Variants in CLU observed in about 807,000 individuals in gnomAD.
CLU encodes the protein clusterin.
Under a neutral mutation model 46.4 loss-of-function variants are expected in CLU, and 25 were observed. The ratio of observed to expected loss-of-function variants is 0.54; its 90% CI spans 0.39 to 0.75. The LOEUF (loss-of-function observed/expected upper bound fraction) is 0.75. Among genes scored for constraint, CLU ranks in the 30% least tolerant of loss-of-function variants. The pLI, the probability that CLU is intolerant of heterozygous loss-of-function variation, is 0.00. For missense variants in CLU, 504 were observed against 592.1 expected (o/e 0.85, Z 1.54); for synonymous variants, 235 against 235.1 (o/e 1.00, Z 0.00).
intron 1 of CLU, chr8:27,611,790 CT>C (rs1563389741): frequency 2.2e-6 from 1 of 456,558 alleles, no homozygotes. Context: ...GGGTCAGCGC[CT>C]TCCCCAGAGA....
rs746888367 is a variant in CLU at position 27,599,728 on chromosome 8, C to T, written c.1164+52G>A. 235 of 1,385,864 alleles carry T rather than the reference C, an allele frequency of 1.7e-4. No homozygotes were observed. Among genetic ancestry groups the T allele is most frequent in the Non-Finnish European group, 2.0e-4 (200 of 990,898 alleles). 85.8% of individuals were successfully genotyped at this position (1,385,864 alleles called of 1,614,324 possible). A position where few individuals can be genotyped will look rare whatever the true frequency, so the allele number is the denominator to read the frequency against. On this transcript the variant is annotated intron_variant, in intron 7 of 8. Transcript: ENST00000316403. This position sits in a 1 kb window ranked among gnomAD's most constrained non-coding sequence, Gnocchi z 4.0. Reference sequence around the variant, plus strand: ...TCAAAAGCACACATGCCCCTGCTCCCGATCACAGCTCGGGCTCCCGAGCCA... The same window carrying T: ...TCAAAAGCACACATGCCCCTGCTCCTGATCACAGCTCGGGCTCCCGAGCCA...
intron 3 of CLU, among the ~76,000 whole-genome samples, chr8:27,607,206 G>A (rs1046588336): frequency 1.3e-5 from 2 of 152,102 alleles, no homozygotes; most frequent in Non-Finnish European, 2.9e-5. Context: ...GTGTGGTGGT[G>A]CACACCTGCA....
intron 1 of CLU, chr8:27,611,629 G>A (rs1585257459): frequency 2.2e-6 from 1 of 457,358 alleles, no homozygotes; most frequent in African/African-American, 2.0e-5. Context: ...CCAACAGGAC[G>A]ATGGGGTTCC....
intron 6 of CLU, 200 bp downstream of exon 6, chr8:27,604,091 G>T: frequency 3.3e-6 from 2 of 603,974 alleles, no homozygotes; most frequent in Non-Finnish European, 6.0e-6. Flanking sequence ...GGACAGCCTC[G>T]CATCATCATC....
chr8:27,598,538 A>T lies in CLU; in HGVS notation c.1262T>A (p.Val421Glu), dbSNP rs982521598. ...DSDPITVTVPVEVSRKNPKFM... is the reference protein window; with the variant it reads ...DSDPITVTVPEEVSRKNPKFM... ...TTTAGGGTTCTTCCTGGAGACTTCTACAGGGACCGTCACAGTGATGGGATC... is the reference window on the plus strand; with the variant it reads ...TTTAGGGTTCTTCCTGGAGACTTCTTCAGGGACCGTCACAGTGATGGGATC... Residue 421 changes from valine to glutamate, a missense_variant, in exon 8 of 9, where the codon GTA becomes GAA. By Grantham distance (121) the Val-to-Glu change is moderately radical. Coordinates refer to ENST00000316403, the MANE Select transcript of CLU (RefSeq NM_001831.4). The T allele has an allele frequency of 6.2e-7, 1 of 1,614,024 alleles. No homozygotes were observed. The highest frequency in any genetic ancestry group is 2.2e-5 in the East Asian group (1 of 44,872).
intron 1 of CLU, chr8:27,610,914 G>A: frequency 2.6e-6 from 1 of 388,502 alleles, no homozygotes; most frequent in Non-Finnish European, 4.9e-6. Context: ...CAATCAGCGA[G>A]GCACACAGGC....
Position 27,606,477 on chromosome 8 carries a change from G to A in CLU, c.294C>T (p.Leu98=), listed in dbSNP as rs748850205. Residue 98 remains leucine, a synonymous_variant, in exon 4 of 9, where the codon CTC becomes CTT. Coordinates refer to ENST00000316403, the MANE Select transcript of CLU (RefSeq NM_001831.4). ...TRESETKLKE[L]PGVCNETMMA... ...TCATGGTCTCATTGCACACTCCTGG[G>A]AGCTCCTTCAGCTTTGTCTCTGATT... 6.2e-7 allele frequency: 1 copy of A among 1,614,124 alleles called. No individual in the cohort carries two copies. The highest frequency in any genetic ancestry group is 1.3e-5 in the African/African-American group (1 of 74,936).
At chr8:27,608,848 T>TGGCAACCCAGCAGGGCACCGC in intron 3 of CLU, 90 bp downstream of exon 3, 1 of 1,436,062 alleles carries the variant, frequency 7.0e-7, no homozygotes, top group Non-Finnish European at 9.8e-7. Context: ...CGGGTCACCA[T>TGGCAACCCAGCAGGGCACCGC]GGCAACCCAG....
chr8:27,598,565 G>A lies in CLU; in HGVS notation c.1235C>T (p.Ser412Phe). Reference protein sequence around the residue: ...VTEVVVKLFDSDPITVTVPVE... With the variant: ...VTEVVVKLFDFDPITVTVPVE... ...AGGGACCGTCACAGTGATGGGATCAGAGTCAAAGAGCTTCACGACCACCTC... is the reference window on the plus strand; with the variant it reads ...AGGGACCGTCACAGTGATGGGATCAAAGTCAAAGAGCTTCACGACCACCTC... The change falls in exon 8 of 9, where the codon TCT (serine) becomes TTT (phenylalanine). Residue 412 changes from serine (S) to phenylalanine (F), a missense_variant. By Grantham distance (155) the Ser-to-Phe change is radical (BLOSUM62 -2). Around this residue, in one of 3 missense-constraint regions of CLU, gnomAD observed 428 missense variants for 484.0 expected, o/e 0.88. Transcript: ENST00000316403. 2 of 1,614,158 alleles carry A rather than the reference G, an allele frequency of 1.2e-6. No individual in the cohort carries two copies. Among genetic ancestry groups the A allele is most frequent in the South Asian group, 2.2e-5 (2 of 91,088 alleles).
chr8:27,610,334 C>A lies in CLU; in HGVS notation c.97+141G>T, dbSNP rs535055846. The A allele has an allele frequency of 9.0e-5, 67 of 743,260 alleles. No individual in the cohort carries two copies. The South Asian group carries it at 9.7e-4, about 11-fold the overall frequency. 46.0% of individuals were successfully genotyped at this position (743,260 alleles called of 1,614,324 possible). A position where few individuals can be genotyped will look rare whatever the true frequency, so the allele number is the denominator to read the frequency against. On this transcript the variant is annotated intron_variant, in intron 2 of 8. Coordinates refer to ENST00000316403, the MANE Select transcript of CLU (RefSeq NM_001831.4). ...CTGAGGCTCAGAGTGGGCCCAGACA[C>A]AGGCACCCAGACCCAGTGCACAAGA...
Position 27,598,209 on chromosome 8 carries a change from G to GC in CLU, c.*31dup. On this transcript the variant is annotated 3_prime_UTR_variant, in exon 9 of 9. Transcript: ENST00000316403. ...ATCTTGGGGGGAGCTGGACTCAGATGCCCCCGTAGGTGCAAAAGCAACATC... is the reference window on the plus strand; with the variant it reads ...ATCTTGGGGGGAGCTGGACTCAGATGCCCCCCGTAGGTGCAAAAGCAACATC... 6.2e-7 allele frequency: 1 copy of GC among 1,611,310 alleles called. No homozygotes were observed. The highest frequency in any genetic ancestry group is 8.5e-7 in the Non-Finnish European group (1 of 1,177,824).
Position 27,608,991 on chromosome 8 carries a change from C to T in CLU, c.193G>A (p.Glu65Lys), listed in dbSNP as rs766667870. The stretch of plus-strand genomic sequence containing the variant: ...TTGCTGAGCAGTGTCTTGCGCTCTT[C>T]GTTTGTTTTTTCTATGAGAGTCTTT... ...QIKTLIEKTN[E>K]ERKTLLSNLE... Residue 65 changes from glutamate to lysine, a missense_variant, in exon 3 of 9, where the codon GAA becomes AAA. By Grantham distance (56) the Glu-to-Lys change is moderately conservative (BLOSUM62 1). This residue lies in a region of CLU where 73 missense variants were observed against 91.2 expected (regional missense o/e 0.80). Transcript: ENST00000316403. The T allele has an allele frequency of 1.8e-5, 29 of 1,614,110 alleles. No homozygotes were observed. Among genetic ancestry groups the T allele is most frequent in the Admixed American group, 3.3e-5 (2 of 60,012 alleles).
chr8:27,608,185 GA>G (rs1340348618), intron 3 of CLU, among the ~76,000 whole-genome samples: 1 of 149,734 alleles, frequency 6.7e-6, no homozygotes, highest in Non-Finnish European at 1.5e-5. Flanking sequence ...AAGCGGCCAG[GA>G]AAAAAAAACA....
At chr8:27,604,863 G>A (rs187410471) in intron 5 of CLU, 61 bp downstream of exon 5, 209 of 1,571,600 alleles carry the variant, frequency 1.3e-4, no homozygotes, top group African/African-American at 1.1e-3. Flanking sequence ...CTGAGCCCTC[G>A]GCATGGTTCT....
At chr8:27,611,890 C>A in intron 1 of CLU, 1 of 394,770 alleles carries the variant, frequency 2.5e-6, no homozygotes, top group South Asian at 1.9e-5. Flanking sequence ...GAAATGCCTC[C>A]AGCAGGAACA....
chr8:27,608,246 G>T (rs1800857237), intron 3 of CLU, among the ~76,000 whole-genome samples: 1 of 152,218 alleles, frequency 6.6e-6, no homozygotes, highest in African/African-American at 2.4e-5. Flanking sequence ...GGGTTTCATG[G>T]AGTTACACAG....
chr8:27,608,818 G>C, intron 3 of CLU, 120 bp downstream of exon 3: 1 of 1,039,252 alleles, frequency 9.6e-7, no homozygotes, highest in Non-Finnish European at 1.5e-6. Context: ...AGCATCAGCT[G>C]ACACAGCCTG....
Position 27,599,831 on chromosome 8 carries a change from C to A in CLU, c.1113G>T (p.Arg371=). The A allele has an allele frequency of 6.2e-7, 1 of 1,614,066 alleles. No individual in the cohort carries two copies. Among genetic ancestry groups the A allele is most frequent in the Non-Finnish European group, 8.5e-7 (1 of 1,179,978 alleles). ...QLNEQFNWVS[R]LANLTQGEDQ... is the part of the protein sequence containing the mutation. ...CTTCGCCTTGCGTGAGGTTTGCCAG[C>A]CGGGACACCCAGTTAAACTGCTCGT... is the stretch of plus-strand genomic sequence containing the variant. The change falls in exon 7 of 9, where the codon CGG becomes CGT. Residue 371 remains arginine (R), a synonymous_variant. Coordinates refer to ENST00000316403, the MANE Select transcript of CLU (RefSeq NM_001831.4). The surrounding 1 kb of genome is among the most constrained non-coding windows in gnomAD (Gnocchi z 4.0).
At chr8:27,608,099 G>A (rs1000312240) in intron 3 of CLU, among the ~76,000 whole-genome samples, 7 of 152,178 alleles carry the variant, frequency 4.6e-5, no homozygotes, top group African/African-American at 1.4e-4. Flanking sequence ...CCAAGAAAGG[G>A]CATGAAACTT....
Sources: allele counts gnomAD v4.1 joint callset (sites outside exome capture counted in the v4.1 genomes callset), GRCh38; gene constraint gnomAD v4.1.1; regional missense constraint gnomAD v4.1.1; non-coding constraint Gnocchi (gnomAD v3.1); transcripts MANE v1.5; gene names NCBI Gene and HGNC (gene_info 2026-07-23, HGNC 2026-07-21).